The following ADA2 variants were observed in gnomAD, a reference collection of about 807,000 sequenced individuals.
The protein encoded by ADA2 is adenosine deaminase CECR1.
Under a neutral mutation model 44.2 loss-of-function variants are expected in ADA2, and 29 were observed. The observed-to-expected ratio is 0.66, with a 90% CI of 0.49 to 0.89. ADA2 has a LOEUF of 0.89. Among genes scored for constraint, ADA2 ranks in the 40% least tolerant of loss-of-function variants. The probability of loss-of-function intolerance (pLI) is 0.00; values close to 1 mark genes in which losing one functional copy is unlikely to be tolerated. For synonymous variants in ADA2, 215 were observed against 234.9 expected (o/e 0.92, Z 0.77); for missense variants, 637 against 644.8 (o/e 0.99, Z 0.13).
chr22:17,202,288 C>T (rs1267059045), intron 4 of ADA2, among the ~76,000 whole-genome samples: 1 of 152,058 alleles, frequency 6.6e-6, no homozygotes, highest in Non-Finnish European at 1.5e-5. Context: ...CGCCATCGCG[C>T]CCAGCTAATT....
chr22:17,217,303 C>G (rs991485870), intron 1 of ADA2, among the ~76,000 whole-genome samples: 2 of 152,004 alleles, frequency 1.3e-5, no homozygotes, highest in African/African-American at 2.4e-5. Flanking sequence ...CCAGAACTGA[C>G]AGTCTTTAGA....
chr22:17,193,267 G>A, intron 4 of ADA2: 1 of 691,792 alleles, frequency 1.4e-6, no homozygotes, highest in Non-Finnish European at 2.6e-6. Context: ...GGTCATCAGA[G>A]TCACCAACCC....
Position 17,203,734 on chromosome 22 carries a change from C to T in ADA2, c.582G>A (p.Glu194=). 1 of 1,614,092 alleles carries T rather than the reference C, an allele frequency of 6.2e-7. No individual in the cohort carries two copies. Among genetic ancestry groups the T allele is most frequent in the Non-Finnish European group, 8.5e-7 (1 of 1,179,952 alleles). The change falls in exon 4 of 10, where the codon GAG becomes GAA. Residue 194 remains glutamate, a synonymous_variant. Transcript: ENST00000399837. ...RNFTLVTQHP[E]VIYTNQNVVW... is the part of the protein sequence containing the mutation. Reference sequence around the variant, plus strand: ...CAACATTTTGGTTTGTGTAAATCACCTCCGGGTGCTGGGTCACCAGAGTGA... The same window carrying T: ...CAACATTTTGGTTTGTGTAAATCACTTCCGGGTGCTGGGTCACCAGAGTGA...
In ADA2 at chr22:17,182,765, A is replaced by C. The variant is rs748309664; in HGVS notation, c.1082-4T>G. 1.5e-5 allele frequency: 24 copies of C among 1,612,564 alleles called. No homozygotes were observed. Among genetic ancestry groups the C allele is most frequent in the Non-Finnish European group, 2.0e-5 (24 of 1,179,792 alleles). ...TCTATGGAAGTACCCTGCCAGTCTG[A>C]ACACACGGGAATGGTCTTCCATGGG... On this transcript the variant is annotated splice_region_variant and splice_polypyrimidine_tract_variant and intron_variant, in intron 7 of 9. Coordinates refer to ENST00000399837, the MANE Select transcript of ADA2 (RefSeq NM_001282225.2).
intron 6 of ADA2, among the ~76,000 whole-genome samples, chr22:17,189,380 G>C (rs2062086050): frequency 6.6e-6 from 1 of 152,122 alleles, no homozygotes; most frequent in African/African-American, 2.4e-5. Flanking sequence ...TTGGTGGGGA[G>C]GTGTGGGACA....
chr22:17,203,829 G>A (rs952730894), intron 3 of ADA2, 56 bp from the exon 4 acceptor site: 46 of 1,256,964 alleles, frequency 3.7e-5, no homozygotes, highest in Middle Eastern at 2.1e-4. Context: ...CACTGCCCCC[G>A]GGCGCCCATA....
At chr22:17,208,810 AT>A (rs1359719271) in intron 2 of ADA2, among the ~76,000 whole-genome samples, 3 of 149,614 alleles carry the variant, frequency 2.0e-5, no homozygotes, top group African/African-American at 5.0e-5. Context: ...CTCAAAAAAA[AT>A]TTTTTTTAAT....
chr22:17,209,615 C>T lies in ADA2; in HGVS notation c.63G>A (p.Met21Ile), dbSNP rs1173496519. ...ALCFLLLAVA[M>I]SFFGSALSID... ...TGGATAGAGCTGAGCCGAAGAAAGA[C>T]ATTGCCACAGCCAACAGCAAGAAGC... is the stretch of plus-strand genomic sequence containing the variant. Residue 21 changes from methionine (M) to isoleucine (I), a missense_variant, in exon 2 of 10, where the codon ATG becomes ATA. Met to Ile is a conservative substitution (Grantham distance 10, BLOSUM62 1). Transcript: ENST00000399837. The T allele has an allele frequency of 6.2e-7, 1 of 1,614,102 alleles. No individual in the cohort carries two copies. Among genetic ancestry groups the T allele is most frequent in the Non-Finnish European group, 8.5e-7 (1 of 1,180,038 alleles).
rs188925003 is a variant in ADA2, at chr22:17,193,494, G to A, written c.754-1684C>T. Among the ~76,000 whole-genome samples the A allele has an allele frequency of 3.0e-3, 458 of 150,436 alleles. 2 individuals are homozygous for A. The highest frequency in any genetic ancestry group is 0.01 in the African/African-American group (428 of 40,962). On this transcript the variant is annotated intron_variant, in intron 4 of 9. Coordinates refer to ENST00000399837, the MANE Select transcript of ADA2 (RefSeq NM_001282225.2). ...AGCCTGGCCAATATGGTGAAACCTC[G>A]TCTCTACTAAAAATACAAAAATTAG...
intron 4 of ADA2, among the ~76,000 whole-genome samples, chr22:17,202,306 T>C (rs1297810366): frequency 6.6e-6 from 1 of 152,006 alleles, no homozygotes. Flanking sequence ...ATTTTTGTAT[T>C]TTTAGTAGAG....
intron 1 of ADA2, chr22:17,213,461 G>A (rs1413023560): frequency 1.4e-5 from 3 of 215,094 alleles, no homozygotes; most frequent in East Asian, 3.1e-4. Context: ...ACAGATCAAC[G>A]GATAAAGAAA....
intron 4 of ADA2, among the ~76,000 whole-genome samples, chr22:17,199,292 G>C (rs1488047871): frequency 1.3e-5 from 2 of 152,126 alleles, no homozygotes; most frequent in Non-Finnish European, 2.9e-5. Flanking sequence ...GCAGAACAAG[G>C]GGGAAGATGG....
intron 4 of ADA2, among the ~76,000 whole-genome samples, chr22:17,201,092 C>G (rs949377501): frequency 6.6e-6 from 1 of 151,626 alleles, no homozygotes; most frequent in African/African-American, 2.4e-5. Flanking sequence ...ATCTGTAGTC[C>G]CAGCTACTCG....
chr22:17,207,121 C>A lies in ADA2; in HGVS notation c.492G>T (p.Leu164=). The A allele has an allele frequency of 1.2e-6, 2 of 1,614,250 alleles. No individual in the cohort carries two copies. The highest frequency in any genetic ancestry group is 1.1e-5 in the South Asian group (1 of 91,084). ...RPSEKCSKWI[L]LEDYRKRVQN... is the part of the protein sequence containing the mutation. ...GCACCCGCTTCCGATAATCCTCCAGCAGAATCCACTTGGAACATTTTTCTG... is the reference window on the plus strand; with the variant it reads ...GCACCCGCTTCCGATAATCCTCCAGAAGAATCCACTTGGAACATTTTTCTG... The change falls in exon 3 of 10, where the codon CTG becomes CTT. Residue 164 remains leucine, a synonymous_variant. Coordinates refer to ENST00000399837, the MANE Select transcript of ADA2 (RefSeq NM_001282225.2).
intron 1 of ADA2, chr22:17,213,669 G>T (rs1168006834): frequency 5.0e-5 from 13 of 260,010 alleles, no homozygotes; most frequent in Non-Finnish European, 7.1e-5. Context: ...GAAGCAGCAC[G>T]GCCTGGACAA....
At chr22:17,210,568 G>T (rs1245418470) in intron 1 of ADA2, among the ~76,000 whole-genome samples, 1 of 151,874 alleles carries the variant, frequency 6.6e-6, no homozygotes, top group East Asian at 1.9e-4. Context: ...CTGATTTTTA[G>T]TGGTTCACTT....
intron 4 of ADA2, chr22:17,199,654 A>G (rs1163580261): frequency 1.9e-6 from 3 of 1,612,442 alleles, no homozygotes; most frequent in African/African-American, 2.7e-5. Context: ...GGCTATTAGG[A>G]CGCTCAGAGA....
At chr22:17,205,819 A>G (rs2062348393) in intron 3 of ADA2, among the ~76,000 whole-genome samples, 1 of 152,070 alleles carries the variant, frequency 6.6e-6, no homozygotes, top group Admixed American at 6.5e-5. Flanking sequence ...TCTCACAAAA[A>G]ATACAAAAAT....
Position 17,188,662 on chromosome 22 carries a change from G to A in ADA2, c.973-215C>T, listed in dbSNP as rs867509487. 1.4e-4 allele frequency: 51 copies of A among 367,428 alleles called. 1 individual carries two copies. Among genetic ancestry groups the A allele is most frequent in the East Asian group, 1.2e-3 (24 of 19,910 alleles). The allele number at this position is 367,428 out of a possible 1,614,324, so 22.8% of individuals were successfully genotyped here. A position where few individuals can be genotyped will look rare whatever the true frequency, so the allele number is the denominator to read the frequency against. On this transcript the variant is annotated intron_variant, in intron 6 of 9. Transcript: ENST00000399837. ...TGGGAGGCCGAGGCAGGCAGATCAC[G>A]AAGTCAGGAGATCGAGACCATCCTG...
Sources: gnomAD v4.1 joint callset for allele counts (sites outside exome capture counted in the v4.1 genomes callset) on GRCh38, gnomAD v4.1.1 for gene constraint, MANE v1.5 for transcripts, NCBI Gene and HGNC (gene_info 2026-07-23, HGNC 2026-07-21) for gene names.